The following HCN1 variants were observed in gnomAD, a reference collection of about 807,000 sequenced individuals.
HCN1 encodes hyperpolarization activated cyclic nucleotide gated potassium channel 1.
HCN1 carries 13 observed loss-of-function variants against 78.9 expected under a neutral mutation model. That is an observed-to-expected ratio of 0.16 (90% CI 0.11 to 0.26). The LOEUF is 0.26. Among genes scored for constraint, HCN1 ranks in the 10% least tolerant of loss-of-function variants. The probability of loss-of-function intolerance (pLI) is 1.00; values close to 1 mark genes in which losing one functional copy is unlikely to be tolerated. For synonymous variants in HCN1, 552 were observed against 455.5 expected (o/e 1.21, Z -2.70); for missense variants, 810 against 1,154.3 (o/e 0.70, Z 4.32).
intron 2 of HCN1, among the ~76,000 whole-genome samples, chr5:45,607,630 TAGAG>T (rs1189181124): frequency 6.7e-6 from 1 of 149,876 alleles, no homozygotes; most frequent in Non-Finnish European, 1.5e-5. Context: ...TAGATATATC[TAGAG>T]AGAGAGAGTC....
At chr5:45,327,624 A>G (rs1047299505) in intron 5 of HCN1, among the ~76,000 whole-genome samples, 5 of 151,576 alleles carry the variant, frequency 3.3e-5, no homozygotes, top group Admixed American at 3.3e-4. Context: ...TGTGTCTCCC[A>G]AAAAAATTTA....
In HCN1 at chr5:45,656,155, A is replaced by G. The variant is rs531498266; in HGVS notation, c.426-10547T>C. Among the ~76,000 whole-genome samples, 4 of 152,300 alleles carry G rather than the reference A, an allele frequency of 2.6e-5. No individual in the cohort carries two copies. The South Asian group carries it at 8.3e-4, about 32-fold the overall frequency. On this transcript the variant is annotated intron_variant, in intron 1 of 7. Coordinates refer to ENST00000303230, the MANE Select transcript of HCN1 (RefSeq NM_021072.4). Reference sequence around the variant, plus strand: ...ACCATAGGTACTCTGGGTTTCCAAAAGAGATAATCAATTGGTCACCTTTTA... The same window carrying G: ...ACCATAGGTACTCTGGGTTTCCAAAGGAGATAATCAATTGGTCACCTTTTA...
intron 6 of HCN1, among the ~76,000 whole-genome samples, chr5:45,286,044 T>C (rs1182010158): frequency 6.6e-6 from 1 of 151,878 alleles, no homozygotes; most frequent in Non-Finnish European, 1.5e-5. Flanking sequence ...GTTTCTAAGA[T>C]TCTCAGAAAC....
chr5:45,498,541 T>C (rs1742104669), intron 2 of HCN1, among the ~76,000 whole-genome samples: 1 of 152,184 alleles, frequency 6.6e-6, no homozygotes, highest in Admixed American at 6.5e-5. Flanking sequence ...TCTCCTCCCA[T>C]TGCTCGGAGT....
In HCN1 at chr5:45,336,313, A is replaced by G. The variant is rs185710364; in HGVS notation, c.1377+16787T>C. ...AGTAATAGTTTTAATTTAAAATGCT[A>G]TGTTTTGGGGTAACATCTTAAGAAT... On this transcript the variant is annotated intron_variant, in intron 5 of 7. Transcript: ENST00000303230. Among the ~76,000 whole-genome samples, 161 of 152,194 alleles carry G rather than the reference A, an allele frequency of 1.1e-3. 2 individuals are homozygous for G. The highest frequency in any genetic ancestry group is 6.8e-3 in the Middle Eastern group (2 of 294).
intron 1 of HCN1, among the ~76,000 whole-genome samples, chr5:45,674,586 C>T (rs554372769): frequency 6.6e-6 from 1 of 151,828 alleles, no homozygotes; most frequent in South Asian, 2.1e-4. Flanking sequence ...AATTTGTGTC[C>T]TCTTCTACAA....
chr5:45,345,101 C>T (rs759566753), intron 5 of HCN1, among the ~76,000 whole-genome samples: 14 of 152,268 alleles, frequency 9.2e-5, no homozygotes, highest in East Asian at 1.9e-4. Context: ...CCCACAGGCT[C>T]AACATCATGT....
At position 45,261,862 on chromosome 5, in the gene HCN1, A is replaced by T; in HGVS notation, c.*59T>A. ...CTATCAGGAGATAGAATAAAATAAG[A>T]TCTGAGTATAGTCTCAGTTTATGAG... On this transcript the variant is annotated 3_prime_UTR_variant, in exon 8 of 8. Transcript: ENST00000303230. 1.2e-6 allele frequency: 2 copies of T among 1,603,260 alleles called. No homozygotes were observed. Among genetic ancestry groups the T allele is most frequent in the Non-Finnish European group, 1.7e-6 (2 of 1,172,130 alleles).
chr5:45,435,870 T>C (rs1740552356), intron 3 of HCN1, among the ~76,000 whole-genome samples: 1 of 152,126 alleles, frequency 6.6e-6, no homozygotes, highest in Non-Finnish European at 1.5e-5. Flanking sequence ...CTATAGAACA[T>C]TTCAGGGGGA....
chr5:45,268,486 ACT>A (rs1257524033), intron 6 of HCN1, among the ~76,000 whole-genome samples: 1 of 152,188 alleles, frequency 6.6e-6, no homozygotes, highest in Non-Finnish European at 1.5e-5. Context: ...CTAAATTCAC[ACT>A]CGAGCTAATT....
chr5:45,486,164 C>T (rs561304394), intron 2 of HCN1, among the ~76,000 whole-genome samples: 19 of 152,084 alleles, frequency 1.2e-4, no homozygotes, highest in Admixed American at 2.0e-4. Context: ...GTAAGACATT[C>T]TTCTTGTTGA....
intron 4 of HCN1, among the ~76,000 whole-genome samples, chr5:45,367,672 C>G (rs568434126): frequency 2.6e-5 from 4 of 151,850 alleles, no homozygotes; most frequent in Non-Finnish European, 4.4e-5. Flanking sequence ...TTTTCAGAAC[C>G]AGGTCACCAT....
intron 6 of HCN1, among the ~76,000 whole-genome samples, chr5:45,282,615 G>T (rs1195127887): frequency 1.3e-5 from 2 of 152,096 alleles, no homozygotes; most frequent in Non-Finnish European, 2.9e-5. Context: ...TCCATAATCT[G>T]GTCCGATTTC....
At chr5:45,278,099 A>C (rs1445480681) in intron 6 of HCN1, among the ~76,000 whole-genome samples, 1 of 151,932 alleles carries the variant, frequency 6.6e-6, no homozygotes, top group Non-Finnish European at 1.5e-5. Flanking sequence ...AGTTAATCTG[A>C]TCTTTACTTT....
chr5:45,375,997 T>A (rs1455918126), intron 4 of HCN1, among the ~76,000 whole-genome samples: 1 of 117,952 alleles, frequency 8.5e-6, no homozygotes, highest in African/African-American at 3.4e-5. Context: ...TATGATATAA[T>A]ATTTTATAAT....
chr5:45,426,430 C>A (rs912035388), intron 3 of HCN1, among the ~76,000 whole-genome samples: 1 of 152,122 alleles, frequency 6.6e-6, no homozygotes, highest in Admixed American at 6.5e-5. Flanking sequence ...ATGGGAGGGA[C>A]CTGGTGGAGG....
intron 2 of HCN1, among the ~76,000 whole-genome samples, chr5:45,499,990 T>C (rs1742154964): frequency 1.3e-5 from 2 of 152,090 alleles, no homozygotes; most frequent in East Asian, 1.9e-4. Flanking sequence ...AATTTTGAAA[T>C]AAATTAAAGA....
At chr5:45,472,749 G>T (rs1026735066) in intron 2 of HCN1, among the ~76,000 whole-genome samples, 7 of 151,890 alleles carry the variant, frequency 4.6e-5, no homozygotes, top group Non-Finnish European at 8.8e-5. Flanking sequence ...AATCTGAAAA[G>T]AATACTTATC....
intron 1 of HCN1, among the ~76,000 whole-genome samples, chr5:45,678,490 C>G (rs1448776123): frequency 6.6e-6 from 1 of 151,738 alleles, no homozygotes; most frequent in African/African-American, 2.4e-5. Context: ...AAACACTGAC[C>G]TTTTTGTATA....
Sources: gnomAD v4.1 joint callset for allele counts (sites outside exome capture counted in the v4.1 genomes callset) on GRCh38, gnomAD v4.1.1 for gene constraint, MANE v1.5 for transcripts, NCBI Gene and HGNC (gene_info 2026-07-23, HGNC 2026-07-21) for gene names.